Variants in P4HA2 observed in about 807,000 individuals in gnomAD.
P4HA2 encodes prolyl 4-hydroxylase subunit alpha-2.
A neutral mutation model predicts 76.9 loss-of-function variants in P4HA2; 46 were observed. That is an observed-to-expected ratio of 0.60 (90% CI 0.47 to 0.76). P4HA2 has a LOEUF of 0.76. Among genes scored for constraint, P4HA2 ranks in the 30% least tolerant of loss-of-function variants. P4HA2 has a pLI of 0.00. For synonymous variants in P4HA2, 243 were observed against 254.0 expected, an observed-to-expected ratio of 0.96 and a Z score of 0.41; for missense variants, 583 against 669.4, an observed-to-expected ratio of 0.87 and a Z score of 1.42.
chr5:132,210,322 T>C lies in P4HA2; in HGVS notation c.671A>G (p.His224Arg). The C allele has an allele frequency of 6.2e-7, 1 of 1,613,710 alleles. No homozygotes were observed. The highest frequency in any genetic ancestry group is 8.5e-7 in the Non-Finnish European group (1 of 1,179,672). ...GCGGCGGGTGAGCTCCAGGGCACGG[T>C]GCAGATCACCCAACTGGAAGACAGC... ...SYAVFQLGDL[H>R]RALELTRRLL... Residue 224 changes from histidine to arginine, a missense_variant, in exon 6 of 15, where the codon CAC becomes CGC. By Grantham distance (29) the His-to-Arg change is conservative. Coordinates refer to ENST00000360568, the MANE Select transcript of P4HA2 (RefSeq NM_001017974.2).
intron 12 of P4HA2, 196 bp from the exon 13 acceptor site, chr5:132,195,676 C>T: frequency 1.6e-6 from 1 of 616,172 alleles, no homozygotes. Context: ...TTCATTAGAA[C>T]AGTCTCCATG....
In P4HA2 at chr5:132,217,290, G is replaced by A. The variant is rs1754043637; in HGVS notation, c.238C>T (p.Leu80=). The change falls in exon 4 of 15, where the codon CTG becomes TTG. Residue 80 remains leucine, a synonymous_variant. Coordinates refer to ENST00000360568, the MANE Select transcript of P4HA2 (RefSeq NM_001017974.2). ...SKSAADAEGY[L]AHPVNAYKLV... ...TTGTAGGCATTCACAGGGTGAGCCAGGTAGCCCTCAGCATCAGCAGCTGAC... is the reference window on the plus strand; with the variant it reads ...TTGTAGGCATTCACAGGGTGAGCCAAGTAGCCCTCAGCATCAGCAGCTGAC... The A allele has an allele frequency of 6.2e-7, 1 of 1,614,034 alleles. No individual in the cohort carries two copies. Among genetic ancestry groups the A allele is most frequent in the African/African-American group, 1.3e-5 (1 of 74,926 alleles).
chr5:132,227,621 G>GTGGCGGCCCGGACTGCGCTGC (rs1236135776), intron 1 of P4HA2, 169 bp downstream of exon 1: 2 of 152,966 alleles, frequency 1.3e-5, no homozygotes, highest in African/African-American at 4.8e-5. Context: ...AGGGTGCAGG[G>GTGGCGGCCCGGACTGCGCTGC]TGGCGGCCCG....
intron 8 of P4HA2, among the ~76,000 whole-genome samples, chr5:132,207,402 ACT>A (rs1458828786): frequency 6.6e-6 from 1 of 151,960 alleles, no homozygotes; most frequent in Non-Finnish European, 1.5e-5. Flanking sequence ...TTTCCAAAAA[ACT>A]CACCCACGCA....
chr5:132,195,079 G>C, intron 13 of P4HA2, 57 bp from the exon 14 acceptor site: 1 of 1,157,182 alleles, frequency 8.6e-7, no homozygotes, highest in Non-Finnish European at 1.3e-6. Context: ...TCAGGGACCT[G>C]ACTGCAAGCA....
rs1349032197 is a variant in P4HA2 at position 132,191,849 on chromosome 5, C to T, written c.*1161G>A. 6.6e-6 allele frequency: 1 copy of T among 152,168 alleles called. No individual in the cohort carries two copies. The highest frequency in any genetic ancestry group is 1.5e-5 in the Non-Finnish European group (1 of 68,040). 9.4% of individuals were successfully genotyped at this position (152,168 alleles called of 1,614,324 possible). ...CAATATACAAAGACTGAAATCAATT[C>T]CAGTGTTTATCAGCAGCATGCTGCC... On this transcript the variant is annotated 3_prime_UTR_variant, in exon 15 of 15. Transcript: ENST00000360568.
intron 12 of P4HA2, among the ~76,000 whole-genome samples, chr5:132,197,608 CAAAAAAAAAAAAA>C (rs555319735): frequency 2.9e-4 from 16 of 55,202 alleles, no homozygotes; most frequent in East Asian, 1.0e-3. Flanking sequence ...ACTCCATCTC[CAAAAAAAAAAAAA>C]AAAAAAAAAA....
At chr5:132,214,080 A>T in intron 4 of P4HA2, 27 bp from the exon 5 acceptor site, 1 of 1,610,914 alleles carries the variant, frequency 6.2e-7, no homozygotes, top group Non-Finnish European at 8.5e-7. Flanking sequence ...AGAACAAGAG[A>T]TTACCCTTGA....
chr5:132,195,819 T>C, intron 12 of P4HA2: 1 of 369,146 alleles, frequency 2.7e-6, no homozygotes, highest in South Asian at 2.6e-5. Flanking sequence ...AGCCTTGGCC[T>C]TGCCTAAGCC....
At chr5:132,196,882 TAAA>T (rs1031143108) in intron 12 of P4HA2, among the ~76,000 whole-genome samples, 3 of 124,716 alleles carry the variant, frequency 2.4e-5, no homozygotes, top group African/African-American at 1.0e-4. Context: ...AAAAAAAAGA[TAAA>T]GAAGAATCTC....
intron 4 of P4HA2, among the ~76,000 whole-genome samples, chr5:132,215,462 C>A (rs1048081330): frequency 1.3e-5 from 2 of 152,196 alleles, no homozygotes; most frequent in African/African-American, 4.8e-5. Flanking sequence ...GAGCTGCAGG[C>A]CCAGGCGGAG....
At chr5:132,217,547 G>A in intron 3 of P4HA2, 199 bp from the exon 4 acceptor site, 1 of 638,784 alleles carries the variant, frequency 1.6e-6, no homozygotes, top group Non-Finnish European at 2.8e-6. Flanking sequence ...CCCAATGTAA[G>A]GGAAAAGGTC....
chr5:132,198,275 CA>C (rs1431184862), intron 12 of P4HA2, 45 bp downstream of exon 12: 1 of 1,614,072 alleles, frequency 6.2e-7, no homozygotes, highest in African/African-American at 1.3e-5. Context: ...CATCATTCTA[CA>C]AAATTAAGTG....
intron 3 of P4HA2, 157 bp from the exon 4 acceptor site, chr5:132,217,505 C>G (rs537437919): frequency 1.2e-4 from 81 of 688,468 alleles, no homozygotes; most frequent in Non-Finnish European, 1.9e-4. Flanking sequence ...ACAGATACTT[C>G]TAGCCCCTTA....
Position 132,190,856 on chromosome 5 carries a change from A to C in P4HA2, c.*2154T>G, listed in dbSNP as rs1430366369. ...TTTTAAAATTTGTATGAATAAGAAC[A>C]CTTGAAGAAACCTAATAACTAATAA... On this transcript the variant is annotated 3_prime_UTR_variant, in exon 15 of 15. Transcript: ENST00000360568. Among the ~76,000 whole-genome samples the C allele has an allele frequency of 6.6e-6, 1 of 152,260 alleles. No homozygotes were observed. The highest frequency in any genetic ancestry group is 2.4e-5 in the African/African-American group (1 of 41,466).
In P4HA2 at chr5:132,201,827, A is replaced by C. The variant is rs535476222; in HGVS notation, c.1251+1921T>G. ...TTCCACGGGTGAGTGTAAGACAGGG[A>C]TACAGTGAGTACAGCCGCACAGCTA... On this transcript the variant is annotated intron_variant, in intron 10 of 14. Coordinates refer to ENST00000360568, the MANE Select transcript of P4HA2 (RefSeq NM_001017974.2). 3 of 152,334 alleles carry C rather than the reference A, an allele frequency of 2.0e-5. No individual in the cohort carries two copies. The South Asian group carries it at 6.2e-4, about 32-fold the overall frequency. 9.4% of individuals were successfully genotyped at this position (152,334 alleles called of 1,614,324 possible).
At position 132,198,879 on chromosome 5, in the gene P4HA2, C is replaced by T; in HGVS notation, c.1305G>A (p.Arg435=). Residue 435 remains arginine (R), a splice_region_variant and synonymous_variant, in exon 11 of 15, where the codon AGG becomes AGA. Coordinates refer to ENST00000360568, the MANE Select transcript of P4HA2 (RefSeq NM_001017974.2). ...GQYEPHFDFS[R]RPFDSGLKTE... is the part of the protein sequence containing the mutation. ...AAAGCACCTGTGATTTAGGCCTTAC[C>T]CTAGAGAAGTCGAAGTGCGGTTCAT... 6.2e-7 allele frequency: 1 copy of T among 1,609,308 alleles called. No individual in the cohort carries two copies.
intron 8 of P4HA2, among the ~76,000 whole-genome samples, chr5:132,205,281 A>G (rs1752056240): frequency 6.6e-6 from 1 of 152,192 alleles, no homozygotes; most frequent in Admixed American, 6.5e-5. Flanking sequence ...GTAGAGGAAC[A>G]TTACAGGAAC....
intron 10 of P4HA2, chr5:132,201,589 G>A (rs1751479746): frequency 6.6e-6 from 1 of 152,206 alleles, no homozygotes; most frequent in African/African-American, 2.4e-5. Context: ...TGTCGAGACA[G>A]TTCCTAGGAG....
Sources: gnomAD v4.1 joint callset for allele counts (sites outside exome capture counted in the v4.1 genomes callset) on GRCh38, gnomAD v4.1.1 for gene constraint, MANE v1.5 for transcripts, NCBI Gene and HGNC (gene_info 2026-07-23, HGNC 2026-07-21) for gene names.